The following DTNA variants were observed in gnomAD, a reference collection of about 807,000 sequenced individuals.
DTNA encodes the protein dystrophin-related protein 3.
Under a neutral mutation model 100.7 loss-of-function variants are expected in DTNA, and 43 were observed. The ratio of observed to expected loss-of-function variants is 0.43; its 90% CI spans 0.33 to 0.55. DTNA has a LOEUF of 0.55. DTNA is among the 20% of genes least tolerant of loss of function. DTNA has a pLI of 0.04. For missense variants in DTNA, 798 were observed against 953.9 expected, an observed-to-expected ratio of 0.84 and a Z score of 2.15; for synonymous variants, 349 against 347.9, an observed-to-expected ratio of 1.00 and a Z score of -0.04.
At chr18:34,818,130 T>C in intron 7 of DTNA, 34 bp from the exon 8 acceptor site, 1 of 1,613,718 alleles carries the variant, frequency 6.2e-7, no homozygotes, top group Non-Finnish European at 8.5e-7. Context: ...ATACTTTTGT[T>C]TTCTTGGTTT....
At chr18:34,617,487 G>T (rs1370058631) in intron 1 of DTNA, among the ~76,000 whole-genome samples, 1 of 152,138 alleles carries the variant, frequency 6.6e-6, no homozygotes, top group Admixed American at 6.5e-5. Flanking sequence ...CTTGATTGTG[G>T]TGGACTCGCT....
intron 1 of DTNA, among the ~76,000 whole-genome samples, chr18:34,651,938 C>CAT (rs1599617562): frequency 6.6e-6 from 1 of 151,998 alleles, no homozygotes; most frequent in Non-Finnish European, 1.5e-5. Flanking sequence ...GTAGCCCACA[C>CAT]ATATATAGTC....
At chr18:34,866,006 C>T (rs1450594543) in intron 17 of DTNA, 1 of 1,312,724 alleles carries the variant, frequency 7.6e-7, no homozygotes, top group Non-Finnish European at 1.1e-6. Flanking sequence ...GACCTGCCGT[C>T]AAAGGTGTGT....
intron 19 of DTNA, among the ~76,000 whole-genome samples, chr18:34,878,124 C>A (rs1380507180): frequency 6.6e-6 from 1 of 152,072 alleles, no homozygotes; most frequent in Non-Finnish European, 1.5e-5. Context: ...AGGCACATGC[C>A]AGCACGCCTG....
intron 15 of DTNA, among the ~76,000 whole-genome samples, chr18:34,853,209 A>C (rs1215889572): frequency 6.6e-6 from 1 of 152,224 alleles, no homozygotes. Flanking sequence ...ATGGCAAAAA[A>C]ACGCAATTAC....
intron 5 of DTNA, among the ~76,000 whole-genome samples, chr18:34,807,951 A>G (rs182317281): frequency 5.3e-5 from 8 of 151,854 alleles, no homozygotes; most frequent in Middle Eastern, 6.8e-3. Context: ...AGTTTAGCAA[A>G]ATGAACCAAG....
At chr18:34,555,927 T>C (rs564820307) in intron 1 of DTNA, among the ~76,000 whole-genome samples, 4 of 152,010 alleles carry the variant, frequency 2.6e-5, no homozygotes, top group Admixed American at 1.3e-4. Context: ...GGTATCCTTG[T>C]TGACTTTCTG....
chr18:34,681,750 A>G (rs914147510), intron 1 of DTNA, among the ~76,000 whole-genome samples: 1 of 150,314 alleles, frequency 6.7e-6, no homozygotes, highest in African/African-American at 2.5e-5. Flanking sequence ...CACACACCCT[A>G]TGGACATCCT....
At chr18:34,720,618 C>G (rs964200195) in intron 1 of DTNA, among the ~76,000 whole-genome samples, 2 of 152,180 alleles carry the variant, frequency 1.3e-5, no homozygotes, top group Non-Finnish European at 2.9e-5. Context: ...TTCCCTTTGT[C>G]TTCATCAGTG....
chr18:34,771,671 A>G (rs889552220), intron 3 of DTNA, among the ~76,000 whole-genome samples: 1 of 152,236 alleles, frequency 6.6e-6, no homozygotes, highest in African/African-American at 2.4e-5. Context: ...CTAAAAAATT[A>G]GGGGACACCA....
intron 1 of DTNA, among the ~76,000 whole-genome samples, chr18:34,579,404 C>T (rs916472220): frequency 6.6e-6 from 1 of 152,182 alleles, no homozygotes; most frequent in Admixed American, 6.5e-5. Context: ...TAATAATTTT[C>T]AGTTCTCCTT....
At chr18:34,579,079 G>T (rs2048378380) in intron 1 of DTNA, among the ~76,000 whole-genome samples, 1 of 151,912 alleles carries the variant, frequency 6.6e-6, no homozygotes, top group South Asian at 2.1e-4. Context: ...TTTCGTTGTT[G>T]TGTCTTAAGA....
chr18:34,887,304 G>T (rs1335922649), intron 22 of DTNA, among the ~76,000 whole-genome samples: 1 of 152,170 alleles, frequency 6.6e-6, no homozygotes, highest in South Asian at 2.1e-4. Flanking sequence ...GCCCATTTAG[G>T]TATTCAATTT....
intron 17 of DTNA, chr18:34,866,600 C>A: frequency 9.9e-7 from 1 of 1,010,772 alleles, no homozygotes; most frequent in South Asian, 4.1e-5. Context: ...TACTGAAAAC[C>A]TGTGAAACCT....
chr18:34,569,597 G>A (rs370725396), intron 1 of DTNA, among the ~76,000 whole-genome samples: 13 of 152,296 alleles, frequency 8.5e-5, no homozygotes, highest in African/African-American at 3.1e-4. Context: ...CCAATAGGAT[G>A]TGCATATATA....
At chr18:34,662,290 T>C (rs1319385539) in intron 1 of DTNA, among the ~76,000 whole-genome samples, 3 of 152,076 alleles carry the variant, frequency 2.0e-5, no homozygotes, top group African/African-American at 7.2e-5. Flanking sequence ...ATGTGACTGG[T>C]CTCCTTGACT....
chr18:34,625,371 C>G (rs1308667572), intron 1 of DTNA, among the ~76,000 whole-genome samples: 1 of 152,108 alleles, frequency 6.6e-6, no homozygotes, highest in Non-Finnish European at 1.5e-5. Flanking sequence ...CGGGGTTTCA[C>G]CATGTTGCCC....
intron 1 of DTNA, among the ~76,000 whole-genome samples, chr18:34,674,970 C>G (rs980315660): frequency 6.6e-6 from 1 of 152,048 alleles, no homozygotes; most frequent in African/African-American, 2.4e-5. Context: ...AAGGAATTCA[C>G]GTGGTATATA....
intron 1 of DTNA, among the ~76,000 whole-genome samples, chr18:34,554,859 G>A (rs1460324013): frequency 3.6e-4 from 55 of 150,756 alleles, no homozygotes; most frequent in African/African-American, 9.6e-4. Flanking sequence ...GTCTCTGCCC[G>A]GCTTTGGTAT....
Sources: gnomAD v4.1 joint callset for allele counts (sites outside exome capture counted in the v4.1 genomes callset) on GRCh38, gnomAD v4.1.1 for gene constraint, MANE v1.5 for transcripts, NCBI Gene and HGNC (gene_info 2026-07-23, HGNC 2026-07-21) for gene names.